Variants in SIK3 observed in about 807,000 individuals in gnomAD.
The protein encoded by SIK3 is SIK family kinase 3.
Under a neutral mutation model 144.2 loss-of-function variants are expected in SIK3, and 28 were observed. The ratio of observed to expected loss-of-function variants is 0.19; its 90% CI spans 0.14 to 0.27. The LOEUF is 0.27. SIK3 is among the 10% of genes least tolerant of loss of function. The pLI is 1.00. For synonymous variants in SIK3, 686 were observed against 676.3 expected (o/e 1.01, Z -0.22); for missense variants, 1,319 against 1,776.0 (o/e 0.74, Z 4.62).
intron 6 of SIK3, among the ~76,000 whole-genome samples, chr11:116,894,913 AC>A (rs1282692537): frequency 6.6e-6 from 1 of 152,172 alleles, no homozygotes; most frequent in Non-Finnish European, 1.5e-5. Flanking sequence ...CTTTTAGCCT[AC>A]CGGCAACATA....
chr11:117,026,747 C>G (rs1952026225), intron 1 of SIK3, among the ~76,000 whole-genome samples: 1 of 152,198 alleles, frequency 6.6e-6, no homozygotes, highest in African/African-American at 2.4e-5. Flanking sequence ...GAAGAGAAGG[C>G]TGGTGCTGGC....
chr11:116,854,311 G>A (rs537320930), intron 21 of SIK3, among the ~76,000 whole-genome samples: 8 of 152,338 alleles, frequency 5.3e-5, no homozygotes, highest in African/African-American at 1.9e-4. Context: ...GCAGTGAACC[G>A]TGGTTGCACC....
chr11:116,965,758 T>A (rs1401148663), intron 1 of SIK3, among the ~76,000 whole-genome samples: 1,534 of 54,706 alleles, frequency 0.028, 22 homozygotes, highest in Non-Finnish European at 0.034. Flanking sequence ...TATATATATA[T>A]ATATATATAT....
At chr11:117,053,686 ACT>A (rs1953372021) in intron 1 of SIK3, among the ~76,000 whole-genome samples, 1 of 126,420 alleles carries the variant, frequency 7.9e-6, no homozygotes, top group Admixed American at 9.9e-5. Context: ...ACAAGGTCTT[ACT>A]CTGTCACCCA....
chr11:117,074,199 T>C (rs1954402566), intron 1 of SIK3, among the ~76,000 whole-genome samples: 1 of 152,210 alleles, frequency 6.6e-6, no homozygotes, highest in Admixed American at 6.5e-5. Context: ...CTAAGTGCCT[T>C]TATGTCCCTG....
intron 1 of SIK3, among the ~76,000 whole-genome samples, chr11:117,086,555 G>T (rs550607570): frequency 1.3e-5 from 2 of 152,168 alleles, no homozygotes; most frequent in East Asian, 3.9e-4. Flanking sequence ...GCCGGGTGTG[G>T]TGGTGGGCGC....
intron 1 of SIK3, among the ~76,000 whole-genome samples, chr11:116,973,742 T>C (rs946655749): frequency 4.6e-5 from 7 of 152,186 alleles, no homozygotes; most frequent in African/African-American, 1.7e-4. Context: ...GCGCTTTACC[T>C]TGGTTATCTT....
intron 1 of SIK3, among the ~76,000 whole-genome samples, chr11:116,982,425 A>T (rs1298525632): frequency 1.3e-5 from 2 of 151,562 alleles, no homozygotes; most frequent in African/African-American, 4.8e-5. Flanking sequence ...AGTAGCTGGG[A>T]TTACAGGCGC....
chr11:117,096,886 G>T (rs1955498863), intron 1 of SIK3, among the ~76,000 whole-genome samples: 1 of 152,192 alleles, frequency 6.6e-6, no homozygotes, highest in African/African-American at 2.4e-5. Flanking sequence ...CTGAGGAGGT[G>T]AGGGGAATTG....
intron 7 of SIK3, among the ~76,000 whole-genome samples, chr11:116,876,646 C>G (rs1326513404): frequency 6.6e-6 from 1 of 152,168 alleles, no homozygotes; most frequent in Non-Finnish European, 1.5e-5. Context: ...AGGCGACATC[C>G]CCATGGTAGG....
chr11:116,946,469 C>G (rs1948594908), intron 3 of SIK3, among the ~76,000 whole-genome samples: 1 of 152,162 alleles, frequency 6.6e-6, no homozygotes, highest in African/African-American at 2.4e-5. Flanking sequence ...CGCCTACACA[C>G]ACAGTCGGGT....
intron 1 of SIK3, among the ~76,000 whole-genome samples, chr11:117,013,959 CT>C (rs1232857124): frequency 1.2e-4 from 1 of 8,256 alleles, no homozygotes; most frequent in African/African-American, 3.6e-4. Flanking sequence ...TGTTTTATTT[CT>C]TTTTTTCTTT....
chr11:116,961,362 G>C (rs1422106486), intron 1 of SIK3, among the ~76,000 whole-genome samples: 1 of 151,482 alleles, frequency 6.6e-6, no homozygotes, highest in Middle Eastern at 3.2e-3. Context: ...TTGGAACAGA[G>C]AAACTGCCAA....
At chr11:117,037,668 A>G (rs1952571062) in intron 1 of SIK3, among the ~76,000 whole-genome samples, 1 of 152,202 alleles carries the variant, frequency 6.6e-6, no homozygotes, top group Non-Finnish European at 1.5e-5. Context: ...TGAATCTGAC[A>G]GCTTTTAACA....
intron 4 of SIK3, among the ~76,000 whole-genome samples, chr11:116,922,320 T>C (rs919193928): frequency 3.3e-5 from 5 of 152,114 alleles, no homozygotes; most frequent in Admixed American, 1.3e-4. Flanking sequence ...CTGAGGAACA[T>C]AGTGACAAAA....
At chr11:117,077,262 G>T (rs1184087820) in intron 1 of SIK3, among the ~76,000 whole-genome samples, 2 of 152,182 alleles carry the variant, frequency 1.3e-5, no homozygotes. Flanking sequence ...TGGCAAGCAG[G>T]TTATTTTTGG....
At chr11:116,901,396 G>A (rs1271250129) in intron 4 of SIK3, among the ~76,000 whole-genome samples, 2 of 152,234 alleles carry the variant, frequency 1.3e-5, no homozygotes, top group South Asian at 2.1e-4. Flanking sequence ...GGCCAGCAAC[G>A]AGAGCCTCTG....
chr11:116,885,583 A>C (rs1944770050), intron 6 of SIK3, among the ~76,000 whole-genome samples: 1 of 152,184 alleles, frequency 6.6e-6, no homozygotes, highest in Admixed American at 6.5e-5. Flanking sequence ...TCCTAGTATC[A>C]GTCATTACAG....
chr11:117,003,312 TAAAAG>T (rs951937873), intron 1 of SIK3, among the ~76,000 whole-genome samples: 1 of 152,084 alleles, frequency 6.6e-6, no homozygotes, highest in African/African-American at 2.4e-5. Context: ...AATAAGAACA[TAAAAG>T]AAAAGCTTGA....
Sources: allele counts gnomAD v4.1 joint callset (sites outside exome capture counted in the v4.1 genomes callset), GRCh38; gene constraint gnomAD v4.1.1; transcripts MANE v1.5; gene names NCBI Gene and HGNC (gene_info 2026-07-23, HGNC 2026-07-21).